Variants in SIDT1 observed in about 807,000 individuals in gnomAD.
The protein encoded by SIDT1 is SID1 transmembrane family member 1.
In SIDT1, 101 loss-of-function variants were observed where a neutral mutation model predicts 107.5. That is an observed-to-expected ratio of 0.94 (90% CI 0.80 to 1.11). The LOEUF (loss-of-function observed/expected upper bound fraction) is 1.11, where lower values mean the gene tolerates loss of function less well. SIDT1 is among the 50% of genes least tolerant of loss of function. SIDT1 has a pLI of 0.00. For missense variants in SIDT1, 1,076 were observed against 1,058.2 expected, an observed-to-expected ratio of 1.02 and a Z score of -0.23; for synonymous variants, 395 against 398.2, an observed-to-expected ratio of 0.99 and a Z score of 0.10.
intron 4 of SIDT1, among the ~76,000 whole-genome samples, chr3:113,577,905 C>T (rs1943027776): frequency 6.6e-6 from 1 of 152,152 alleles, no homozygotes; most frequent in Non-Finnish European, 1.5e-5. Flanking sequence ...TCCACTGTGG[C>T]TGATTTTAAG....
In SIDT1 at chr3:113,629,051, C is replaced by T. The variant is rs915929300; in HGVS notation, c.*1343C>T. The stretch of plus-strand genomic sequence containing the variant: ...AAATAGACGTATAAATGTGCACATG[C>T]GTATGTATTTGCTTGTGAAATTAAA... On this transcript the variant is annotated 3_prime_UTR_variant, in exon 25 of 25. Coordinates refer to ENST00000264852, the MANE Select transcript of SIDT1 (RefSeq NM_017699.3). 4 of 152,130 alleles carry T rather than the reference C, an allele frequency of 2.6e-5. No individual in the cohort carries two copies. The highest frequency in any genetic ancestry group is 9.7e-5 in the African/African-American group (4 of 41,402). 9.4% of individuals were successfully genotyped at this position (152,130 alleles called of 1,614,324 possible).
intron 1 of SIDT1, among the ~76,000 whole-genome samples, chr3:113,564,872 C>T (rs185489728): frequency 6.6e-6 from 1 of 152,288 alleles, no homozygotes; most frequent in Admixed American, 6.5e-5. Flanking sequence ...CACAAGAAAA[C>T]TCTCCCTTCA....
At chr3:113,542,361 CT>C (rs1244019626) in intron 1 of SIDT1, among the ~76,000 whole-genome samples, 1 of 151,876 alleles carries the variant, frequency 6.6e-6, no homozygotes, top group African/African-American at 2.4e-5. Context: ...TAGGGATTCT[CT>C]TTTTACTTAT....
chr3:113,637,043 G>A, the SIDT1 span, among the ~76,000 whole-genome samples: 1 of 152,168 alleles, frequency 6.6e-6, no homozygotes. Context: ...GGTAACAGGG[G>A]AACAACACAC....
At chr3:113,600,704 T>G (rs1050055614) in intron 10 of SIDT1, among the ~76,000 whole-genome samples, 2 of 152,240 alleles carry the variant, frequency 1.3e-5, no homozygotes, top group African/African-American at 4.8e-5. Flanking sequence ...ACTGTTACTG[T>G]GCTCGAAAGA....
At chr3:113,609,318 T>A (rs781259275) in intron 17 of SIDT1, among the ~76,000 whole-genome samples, 8 of 152,000 alleles carry the variant, frequency 5.3e-5, no homozygotes, top group Non-Finnish European at 1.0e-4. Flanking sequence ...CTCCTGCCTC[T>A]GCCTCCCAAA....
downstream of SIDT1, among the ~76,000 whole-genome samples, chr3:113,630,097 T>C (rs960509648): frequency 6.6e-6 from 1 of 152,176 alleles, no homozygotes; most frequent in Non-Finnish European, 1.5e-5. Context: ...CCTGGGTTCA[T>C]GGACTTCACT....
chr3:113,592,744 C>G (rs985211515), intron 9 of SIDT1: 2 of 384,966 alleles, frequency 5.2e-6, no homozygotes, highest in East Asian at 1.1e-4. Context: ...CCTGCCATCA[C>G]GCCCAGCTAA....
chr3:113,597,495 CAAAAAAAAAAAAAA>C (rs60934363), intron 10 of SIDT1, among the ~76,000 whole-genome samples: 1 of 109,532 alleles, frequency 9.1e-6, no homozygotes, highest in African/African-American at 3.7e-5. Flanking sequence ...GACTCCATCT[CAAAAAAAAAAAAAA>C]AAAAAAAAAA....
At chr3:113,582,197 T>C (rs1943411092) in intron 6 of SIDT1, among the ~76,000 whole-genome samples, 1 of 152,224 alleles carries the variant, frequency 6.6e-6, no homozygotes, top group African/African-American at 2.4e-5. Context: ...TTTGTAATTA[T>C]TATTTCAATT....
intron 17 of SIDT1, among the ~76,000 whole-genome samples, chr3:113,609,720 C>T (rs563988826): frequency 4.9e-4 from 75 of 152,222 alleles, no homozygotes; most frequent in South Asian, 1.7e-3. Flanking sequence ...AGAACTCTGT[C>T]GCATTTAATT....
intron 10 of SIDT1, among the ~76,000 whole-genome samples, chr3:113,596,227 G>C (rs1944537779): frequency 6.6e-6 from 1 of 152,210 alleles, no homozygotes; most frequent in African/African-American, 2.4e-5. Context: ...TTAGCCTAAG[G>C]CTTTCACCTT....
intron 1 of SIDT1, among the ~76,000 whole-genome samples, chr3:113,560,814 A>G (rs917508225): frequency 6.6e-6 from 1 of 152,226 alleles, no homozygotes; most frequent in Non-Finnish European, 1.5e-5. Flanking sequence ...TTTATGGAAC[A>G]GAAATATATT....
rs1346051580 is a variant in SIDT1 at position 113,628,798 on chromosome 3, G to A, written c.*1090G>A. Reference sequence around the variant, plus strand: ...CAGGGTTCTAGACTTCTTCCCTGAGGTTCTCAGAAGCAGCTCTCAGGATGA... The same window carrying A: ...CAGGGTTCTAGACTTCTTCCCTGAGATTCTCAGAAGCAGCTCTCAGGATGA... On this transcript the variant is annotated 3_prime_UTR_variant, in exon 25 of 25. Coordinates refer to ENST00000264852, the MANE Select transcript of SIDT1 (RefSeq NM_017699.3). 1 of 152,184 alleles carries A rather than the reference G, an allele frequency of 6.6e-6. No homozygotes were observed. The highest frequency in any genetic ancestry group is 1.5e-5 in the Non-Finnish European group (1 of 68,066). 9.4% of individuals were successfully genotyped at this position (152,184 alleles called of 1,614,324 possible).
chr3:113,633,139 C>T (rs999928617), downstream of SIDT1: 2 of 152,106 alleles, frequency 1.3e-5, no homozygotes, highest in Non-Finnish European at 2.9e-5. Context: ...GTTCTGGAGG[C>T]CTCCCTAAGA....
At chr3:113,567,027 G>A (rs190283285) in intron 2 of SIDT1, among the ~76,000 whole-genome samples, 1 of 152,250 alleles carries the variant, frequency 6.6e-6, no homozygotes, top group East Asian at 1.9e-4. Context: ...GGGGAGAAGT[G>A]TATAAGATAC....
At chr3:113,633,892 T>A (rs186127796), downstream of SIDT1, among the ~76,000 whole-genome samples, 246 of 152,300 alleles carry the variant, frequency 1.6e-3, no homozygotes, top group Non-Finnish European at 2.4e-3. Context: ...CTACAGAGAC[T>A]ACTTACTACA....
intron 20 of SIDT1, among the ~76,000 whole-genome samples, chr3:113,617,944 T>C (rs1275541168): frequency 6.6e-6 from 1 of 152,216 alleles, no homozygotes; most frequent in African/African-American, 2.4e-5. Context: ...TTACTACCCA[T>C]GTAAAGTTTA....
intron 24 of SIDT1, among the ~76,000 whole-genome samples, chr3:113,626,958 A>T (rs1325712493): frequency 6.6e-6 from 1 of 152,094 alleles, no homozygotes; most frequent in East Asian, 1.9e-4. Flanking sequence ...GAGCAGGGCT[A>T]TCCTCTAGTG....
Sources: allele counts gnomAD v4.1 joint callset (sites outside exome capture counted in the v4.1 genomes callset), GRCh38; gene constraint gnomAD v4.1.1; transcripts MANE v1.5; gene names NCBI Gene and HGNC (gene_info 2026-07-23, HGNC 2026-07-21).